The following FAF1 variants were observed in gnomAD, a reference collection of about 807,000 sequenced individuals.
FAF1 encodes the protein FAS-associated factor 1.
In FAF1, 25 loss-of-function variants were observed where a neutral mutation model predicts 92.5. The ratio of observed to expected loss-of-function variants is 0.27; its 90% CI spans 0.20 to 0.38. The LOEUF is 0.38. Ranked by LOEUF, FAF1 falls within the 10% of genes least tolerant of loss-of-function variation. The pLI, the probability that FAF1 is intolerant of heterozygous loss-of-function variation, is 1.00. For synonymous variants in FAF1, 234 were observed against 273.2 expected (o/e 0.86, Z 1.42); for missense variants, 636 against 793.3 (o/e 0.80, Z 2.38).
intron 2 of FAF1, among the ~76,000 whole-genome samples, chr1:50,845,271 G>A (rs933942803): frequency 5.3e-5 from 8 of 152,208 alleles, no homozygotes; most frequent in Non-Finnish European, 2.9e-5. Flanking sequence ...AGCAATATGA[G>A]CGTAAGGATA....
At chr1:50,895,536 T>A (rs1644751346) in intron 1 of FAF1, among the ~76,000 whole-genome samples, 1 of 152,152 alleles carries the variant, frequency 6.6e-6, no homozygotes, top group Non-Finnish European at 1.5e-5. Flanking sequence ...CAGTGTTACC[T>A]TGATAGCAAA....
intron 1 of FAF1, among the ~76,000 whole-genome samples, chr1:50,954,700 G>A (rs1044898867): frequency 2.0e-5 from 3 of 151,826 alleles, no homozygotes; most frequent in African/African-American, 4.8e-5. Flanking sequence ...CACCATGCCC[G>A]GCTAATTTGT....
At chr1:50,563,344 T>C (rs1650021006) in intron 13 of FAF1, among the ~76,000 whole-genome samples, 1 of 152,060 alleles carries the variant, frequency 6.6e-6, no homozygotes, top group South Asian at 2.1e-4. Flanking sequence ...GACAGGATGA[T>C]TGCTTGAGGC....
chr1:50,596,920 C>A (rs1342393026), intron 8 of FAF1, among the ~76,000 whole-genome samples: 2 of 152,094 alleles, frequency 1.3e-5, no homozygotes, highest in Non-Finnish European at 2.9e-5. Flanking sequence ...TCCTTATAAA[C>A]CTGTCTTTAA....
At chr1:50,623,462 G>A (rs140904320) in intron 8 of FAF1, among the ~76,000 whole-genome samples, 1 of 151,638 alleles carries the variant, frequency 6.6e-6, no homozygotes, top group Non-Finnish European at 1.5e-5. Context: ...CCAGCTACTC[G>A]GGAGGCTGAG....
intron 5 of FAF1, among the ~76,000 whole-genome samples, chr1:50,742,537 C>A (rs1659430722): frequency 6.6e-6 from 1 of 152,104 alleles, no homozygotes; most frequent in Non-Finnish European, 1.5e-5. Flanking sequence ...GTGTGCACCA[C>A]CACGCCCAGC....
chr1:50,511,498 T>C (rs1647133959), intron 15 of FAF1, among the ~76,000 whole-genome samples: 2 of 151,916 alleles, frequency 1.3e-5, no homozygotes, highest in South Asian at 4.2e-4. Flanking sequence ...ACATGTGGTG[T>C]TTGGTTTTCT....
intron 18 of FAF1, among the ~76,000 whole-genome samples, chr1:50,461,736 T>C (rs563073140): frequency 6.6e-6 from 1 of 152,212 alleles, no homozygotes; most frequent in East Asian, 1.9e-4. Context: ...TGTTAAACTC[T>C]AGATATTTCT....
chr1:50,663,787 T>C (rs1294294133), intron 7 of FAF1, among the ~76,000 whole-genome samples: 4 of 151,658 alleles, frequency 2.6e-5, no homozygotes, highest in South Asian at 2.1e-4. Flanking sequence ...CTAAAATTCT[T>C]TGAACTCTGC....
chr1:50,840,223 C>T (rs921582628), intron 2 of FAF1, among the ~76,000 whole-genome samples: 2 of 151,800 alleles, frequency 1.3e-5, no homozygotes, highest in Non-Finnish European at 2.9e-5. Flanking sequence ...ACAGAGGATA[C>T]GAAAGCATAA....
chr1:50,516,190 A>G (rs1203268147), intron 15 of FAF1, among the ~76,000 whole-genome samples: 1 of 152,114 alleles, frequency 6.6e-6, no homozygotes, highest in Non-Finnish European at 1.5e-5. Flanking sequence ...ACTCTTAACC[A>G]CCAACTTACA....
chr1:50,519,098 G>A (rs1028490004), intron 15 of FAF1, among the ~76,000 whole-genome samples: 10 of 152,166 alleles, frequency 6.6e-5, no homozygotes, highest in Admixed American at 4.6e-4. Context: ...TTGGGAGGCC[G>A]AGGTGCGAGA....
At chr1:50,915,782 C>T (rs916874420) in intron 1 of FAF1, among the ~76,000 whole-genome samples, 1 of 152,084 alleles carries the variant, frequency 6.6e-6, no homozygotes, top group South Asian at 2.1e-4. Flanking sequence ...AAATTAGTCC[C>T]ATAGGAGGAT....
At position 50,662,526 on chromosome 1, in the gene FAF1, C is replaced by T. The variant is rs369676986; in HGVS notation, c.658-6998G>A. On this transcript the variant is annotated intron_variant, in intron 7 of 18. Coordinates refer to ENST00000396153, the MANE Select transcript of FAF1 (RefSeq NM_007051.3). ...ATTTTGGCCATCCTGAAACACTACCCAGCATAAGATTTAACACTTCCATGG... is the reference window on the plus strand; with the variant it reads ...ATTTTGGCCATCCTGAAACACTACCTAGCATAAGATTTAACACTTCCATGG... Among the ~76,000 whole-genome samples the T allele has an allele frequency of 6.4e-4, 97 of 152,150 alleles. 3 individuals carry two copies. In the South Asian group the frequency reaches 0.019, roughly 30 times the overall value.
At chr1:50,552,842 T>C (rs1649375328) in intron 13 of FAF1, among the ~76,000 whole-genome samples, 1 of 152,128 alleles carries the variant, frequency 6.6e-6, no homozygotes, top group Non-Finnish European at 1.5e-5. Flanking sequence ...CAAAGAAAAC[T>C]AACTAGAGAA....
intron 7 of FAF1, among the ~76,000 whole-genome samples, chr1:50,687,355 C>CA (rs78325708): frequency 0.21 from 17,904 of 83,632 alleles, 1,338 homozygotes; most frequent in African/African-American, 0.28. Context: ...TTTTATCAAT[C>CA]AAAAAAAAAA....
In FAF1 at chr1:50,528,705, A is replaced by C. The variant is rs143742737; in HGVS notation, c.1494+6664T>G. Among the ~76,000 whole-genome samples, 28 of 152,252 alleles carry C rather than the reference A, an allele frequency of 1.8e-4. No individual in the cohort carries two copies. The East Asian group carries it at 5.2e-3, about 28-fold the overall frequency. On this transcript the variant is annotated intron_variant, in intron 15 of 18. Transcript: ENST00000396153. ...GAACTGTGTAAGTCCACTTACATGG[A>C]GAGTTTTTTCAATAGAAGTTATACA...
intron 3 of FAF1, among the ~76,000 whole-genome samples, chr1:50,795,138 A>C (rs906049455): frequency 6.6e-6 from 1 of 152,174 alleles, no homozygotes; most frequent in Non-Finnish European, 1.5e-5. Flanking sequence ...ACTGCCCCTC[A>C]CCAAGGCTGC....
chr1:50,539,001 G>A (rs1159972479), intron 14 of FAF1, among the ~76,000 whole-genome samples: 1 of 152,126 alleles, frequency 6.6e-6, no homozygotes, highest in Non-Finnish European at 1.5e-5. Flanking sequence ...AATGAACAAG[G>A]TAATATTTTA....
Sources: allele counts gnomAD v4.1 joint callset (sites outside exome capture counted in the v4.1 genomes callset), GRCh38; gene constraint gnomAD v4.1.1; transcripts MANE v1.5; gene names NCBI Gene and HGNC (gene_info 2026-07-23, HGNC 2026-07-21).